Variants in CAST observed in about 807,000 individuals in gnomAD.
CAST encodes calpastatin, also known as MIR583 host.
CAST carries 76 observed loss-of-function variants against 119.6 expected under a neutral mutation model. The ratio of observed to expected loss-of-function variants is 0.64; its 90% CI spans 0.53 to 0.77. The LOEUF (loss-of-function observed/expected upper bound fraction) is 0.77, where lower values mean the gene tolerates loss of function less well. Among genes scored for constraint, CAST ranks in the 30% least tolerant of loss-of-function variants. The probability of loss-of-function intolerance (pLI) is 0.00; values close to 1 mark genes in which losing one functional copy is unlikely to be tolerated. For synonymous variants in CAST, 319 were observed against 331.6 expected (o/e 0.96, Z 0.41); for missense variants, 953 against 946.5 (o/e 1.01, Z -0.09).
intron 1 of CAST, among the ~76,000 whole-genome samples, chr5:96,534,724 A>G (rs1745754395): frequency 5.1e-5 from 1 of 19,422 alleles, no homozygotes; most frequent in Non-Finnish European, 1.1e-4. Flanking sequence ...GGAGAGAGAG[A>G]GAGAGAGAGA....
chr5:96,506,966 A>G, the CAST span, among the ~76,000 whole-genome samples: 1 of 152,234 alleles, frequency 6.6e-6, no homozygotes, highest in Non-Finnish European at 1.5e-5. Flanking sequence ...AAGAGCAGAT[A>G]TGGCCTCTGC....
At chr5:96,033,210 GA>G in the CAST span, among the ~76,000 whole-genome samples, 1 of 152,088 alleles carries the variant, frequency 6.6e-6, no homozygotes, top group East Asian at 1.9e-4. Context: ...CATGTTGATA[GA>G]CTTGGGGAAT....
At chr5:96,734,417 G>C (rs1466284477) in intron 9 of CAST, among the ~76,000 whole-genome samples, 1 of 152,130 alleles carries the variant, frequency 6.6e-6, no homozygotes, top group Non-Finnish European at 1.5e-5. Context: ...GGTTGGTCAG[G>C]GACTGTTTCA....
intron 1 of CAST, among the ~76,000 whole-genome samples, chr5:96,613,961 A>G (rs1203985212): frequency 2.0e-5 from 3 of 152,192 alleles, no homozygotes; most frequent in Non-Finnish European, 4.4e-5. Context: ...TTGTTCATTT[A>G]TCTGCATTGT....
chr5:96,422,926 A>G, the CAST span, among the ~76,000 whole-genome samples: 1 of 145,044 alleles, frequency 6.9e-6, no homozygotes, highest in Non-Finnish European at 1.5e-5. Context: ...TTACAATGTC[A>G]GGGATATAGA....
the CAST span, among the ~76,000 whole-genome samples, chr5:96,406,706 G>A: frequency 6.6e-6 from 1 of 152,216 alleles, no homozygotes; most frequent in Non-Finnish European, 1.5e-5. Flanking sequence ...CTGTTATTAC[G>A]AACTGAGTCT....
At chr5:96,168,878 A>G in the CAST span, among the ~76,000 whole-genome samples, 1 of 152,130 alleles carries the variant, frequency 6.6e-6, no homozygotes, top group Admixed American at 6.5e-5. Flanking sequence ...GAGGAAGAAA[A>G]TAGATTTTGA....
At chr5:96,058,851 A>G in the CAST span, among the ~76,000 whole-genome samples, 1 of 152,104 alleles carries the variant, frequency 6.6e-6, no homozygotes, top group Non-Finnish European at 1.5e-5. Flanking sequence ...AATTAAAGTT[A>G]CTCTTATCTC....
the CAST span, among the ~76,000 whole-genome samples, chr5:96,004,292 G>T: frequency 1.3e-5 from 2 of 152,110 alleles, no homozygotes; most frequent in Non-Finnish European, 1.5e-5. Context: ...TATGTTTATG[G>T]CTAATTTTAG....
intron 1 of CAST, among the ~76,000 whole-genome samples, chr5:96,651,150 C>T (rs987787853): frequency 6.6e-6 from 1 of 151,930 alleles, no homozygotes; most frequent in Non-Finnish European, 1.5e-5. Flanking sequence ...GCCAGCCTCC[C>T]CGTCTCAATT....
the CAST span, among the ~76,000 whole-genome samples, chr5:96,307,155 T>G: frequency 6.6e-6 from 1 of 152,332 alleles, no homozygotes; most frequent in South Asian, 2.1e-4. Flanking sequence ...GCATATATAT[T>G]TAGGATAGTT....
chr5:96,660,270 T>G (rs934255967), upstream of CAST, among the ~76,000 whole-genome samples: 1 of 152,206 alleles, frequency 6.6e-6, no homozygotes, highest in African/African-American at 2.4e-5. Context: ...CCTCCTATTG[T>G]TGATACAACC....
At chr5:96,317,309 C>CG in the CAST span, among the ~76,000 whole-genome samples, 2 of 103,998 alleles carry the variant, frequency 1.9e-5, no homozygotes, top group South Asian at 3.3e-4. Context: ...ACCAAAAATA[C>CG]AAAAAAAAAA....
the CAST span, among the ~76,000 whole-genome samples, chr5:96,165,946 A>C: frequency 6.7e-6 from 1 of 149,868 alleles, no homozygotes; most frequent in East Asian, 1.9e-4. Context: ...AATTTACATT[A>C]ATTATTTTTC....
At chr5:96,169,745 G>T in the CAST span, among the ~76,000 whole-genome samples, 1 of 152,080 alleles carries the variant, frequency 6.6e-6, no homozygotes, top group African/African-American at 2.4e-5. Context: ...AAGTTGGGGA[G>T]ATACAAGGGG....
At chr5:96,543,841 G>A (rs1390809277) in intron 1 of CAST, among the ~76,000 whole-genome samples, 3 of 152,094 alleles carry the variant, frequency 2.0e-5, no homozygotes, top group Non-Finnish European at 4.4e-5. Flanking sequence ...AATTACCTTT[G>A]CTCCTATGTC....
At chr5:96,036,568 G>T in the CAST span, among the ~76,000 whole-genome samples, 17 of 152,088 alleles carry the variant, frequency 1.1e-4, no homozygotes, top group Non-Finnish European at 2.1e-4. Flanking sequence ...CTCTCTAGTG[G>T]CCTTGCTTGG....
the CAST span, among the ~76,000 whole-genome samples, chr5:96,473,000 C>A: frequency 1.3e-5 from 2 of 152,196 alleles, no homozygotes; most frequent in African/African-American, 4.8e-5. Flanking sequence ...AATCTCTGCT[C>A]CCATAGCCAC....
the CAST span, chr5:95,961,583 T>A: frequency 6.3e-7 from 1 of 1,596,094 alleles, no homozygotes; most frequent in Non-Finnish European, 8.5e-7. Context: ...ACCTTGTGGC[T>A]CTGGTAAGTC....
Sources: gnomAD v4.1 joint callset for allele counts (sites outside exome capture counted in the v4.1 genomes callset) on GRCh38, gnomAD v4.1.1 for gene constraint, MANE v1.5 for transcripts, NCBI Gene and HGNC (gene_info 2026-07-23, HGNC 2026-07-21) for gene names.